Variants in NDNF observed in about 807,000 individuals in gnomAD.
NDNF encodes the protein neuron derived neurotrophic factor, also known as protein NDNF.
A neutral mutation model predicts 42.0 loss-of-function variants in NDNF; 16 were observed. That is an observed-to-expected ratio of 0.38 (90% CI 0.26 to 0.58). The LOEUF (loss-of-function observed/expected upper bound fraction) is 0.58. NDNF is among the 20% of genes least tolerant of loss of function. The probability of loss-of-function intolerance (pLI) is 0.67; values close to 1 mark genes in which losing one functional copy is unlikely to be tolerated. For missense variants in NDNF, 616 were observed against 666.2 expected (o/e 0.92, Z 0.83); for synonymous variants, 248 against 251.7 (o/e 0.99, Z 0.14).
At chr4:121,063,896 T>A (rs1474789828) in intron 1 of NDNF, among the ~76,000 whole-genome samples, 1 of 152,228 alleles carries the variant, frequency 6.6e-6, no homozygotes, top group Non-Finnish European at 1.5e-5. Context: ...TGTTTCTGTT[T>A]TACCTGAAAT....
At position 121,072,368 on chromosome 4, in the gene NDNF, C is replaced by A. The variant is rs560879497; in HGVS notation, c.-377G>T. The A allele has an allele frequency of 1.8e-4, 27 of 151,598 alleles. No individual in the cohort carries two copies. Among genetic ancestry groups the A allele is most frequent in the African/African-American group, 6.5e-4 (27 of 41,314 alleles). The allele number at this position is 151,598 out of a possible 1,614,324, so 9.4% of individuals were successfully genotyped here. ...GCTGGGCGGCGGGAGGATGCCGCAG[C>A]GACCCGCGGGGCTGGCGCGGGCTTC... On this transcript the variant is annotated 5_prime_UTR_variant, in exon 1 of 4. Transcript: ENST00000379692.
intron 1 of NDNF, among the ~76,000 whole-genome samples, chr4:121,062,688 G>A (rs1169518785): frequency 6.6e-6 from 1 of 152,014 alleles, no homozygotes; most frequent in Non-Finnish European, 1.5e-5. Flanking sequence ...AGTTAGGTGT[G>A]GTTTTTCTTC....
intron 1 of NDNF, among the ~76,000 whole-genome samples, chr4:121,052,733 A>G (rs1263812949): frequency 6.6e-6 from 1 of 152,226 alleles, no homozygotes; most frequent in Non-Finnish European, 1.5e-5. Context: ...GCGTGGATGT[A>G]CGGATTCCTT....
chr4:121,065,359 A>G (rs7697591), intron 1 of NDNF, among the ~76,000 whole-genome samples: 130,020 of 151,622 alleles, frequency 0.86, 55,917 homozygotes, highest in Non-Finnish European at 0.88. Context: ...CCCCCTTTTA[A>G]AGACCTCTGC....
chr4:121,054,680 T>A (rs1727254277), intron 1 of NDNF, among the ~76,000 whole-genome samples: 1 of 152,220 alleles, frequency 6.6e-6, no homozygotes, highest in Non-Finnish European at 1.5e-5. Context: ...GCACCAAGGT[T>A]GCACTAAGCT....
chr4:121,036,164 G>A lies in NDNF; in HGVS notation c.*100C>T, dbSNP rs185502117. 1.9e-4 allele frequency: 174 copies of A among 924,178 alleles called. No individual in the cohort carries two copies. In the African/African-American group the frequency reaches 2.6e-3, roughly 14 times the overall value. The allele number at this position is 924,178 out of a possible 1,614,324, so 57.2% of individuals were successfully genotyped here. A position where few individuals can be genotyped will look rare whatever the true frequency, so the allele number is the denominator to read the frequency against. ...TCCTTCCTTCCATAGTACAAGTACA[G>A]GTCACAACTTCTCTCAACTGTGGGA... On this transcript the variant is annotated 3_prime_UTR_variant, in exon 4 of 4. Transcript: ENST00000379692.
At chr4:121,067,196 T>A (rs1303131182) in intron 1 of NDNF, among the ~76,000 whole-genome samples, 2 of 152,176 alleles carry the variant, frequency 1.3e-5, no homozygotes, top group East Asian at 1.9e-4. Context: ...CCTAAAAAAG[T>A]TTTTCTTTTA....
intron 1 of NDNF, 81 bp from the exon 2 acceptor site, chr4:121,045,919 C>A: frequency 7.6e-7 from 1 of 1,313,750 alleles, no homozygotes; most frequent in African/African-American, 1.5e-5. Flanking sequence ...AGGGTTAACA[C>A]TATTTTAGCT....
At chr4:121,039,143 G>GTATATA (rs1386847891) in intron 3 of NDNF, among the ~76,000 whole-genome samples, 1 of 37,676 alleles carries the variant, frequency 2.7e-5, no homozygotes, top group African/African-American at 4.5e-5. Context: ...ATATATATAT[G>GTATATA]TGTATATATA....
At chr4:121,038,491 T>G (rs1726920261) in intron 3 of NDNF, among the ~76,000 whole-genome samples, 1 of 152,116 alleles carries the variant, frequency 6.6e-6, no homozygotes, top group Non-Finnish European at 1.5e-5. Flanking sequence ...CTAAACTAAT[T>G]TTTTCCATAT....
chr4:121,063,062 A>G (rs997311258), intron 1 of NDNF, among the ~76,000 whole-genome samples: 6 of 152,190 alleles, frequency 3.9e-5, no homozygotes, highest in Middle Eastern at 3.4e-3. Context: ...GCTGAAATGT[A>G]CAGTTTCATC....
chr4:121,055,242 A>G (rs1007312118), intron 1 of NDNF, among the ~76,000 whole-genome samples: 4 of 152,194 alleles, frequency 2.6e-5, no homozygotes, highest in African/African-American at 9.7e-5. Context: ...AAACAACTTC[A>G]TCTTTCTGAA....
chr4:121,055,885 C>T lies in NDNF; in HGVS notation c.-1-10047G>A, dbSNP rs1727286115. 2.6e-5 allele frequency among the ~76,000 whole-genome samples: 4 copies of T among 152,034 alleles called. No individual in the cohort carries two copies. In the South Asian group the frequency reaches 8.3e-4, roughly 32 times the overall value. On this transcript the variant is annotated intron_variant, in intron 1 of 3. Transcript: ENST00000379692. ...GTGAAGGGATGCATATTATTTGAGG[C>T]CAACCCATTTGTTGAAAGTACCCAG...
chr4:121,065,570 T>C (rs1727485726), intron 1 of NDNF, among the ~76,000 whole-genome samples: 1 of 151,728 alleles, frequency 6.6e-6, no homozygotes, highest in African/African-American at 2.4e-5. Context: ...CCTGGACAGC[T>C]TCTGATAGTG....
At chr4:121,059,679 G>A (rs1727369939) in intron 1 of NDNF, among the ~76,000 whole-genome samples, 1 of 152,190 alleles carries the variant, frequency 6.6e-6, no homozygotes, top group Admixed American at 6.5e-5. Flanking sequence ...GTAAATTTTG[G>A]TTTGGTTAGG....
intron 1 of NDNF, among the ~76,000 whole-genome samples, chr4:121,051,108 T>C (rs1048324368): frequency 2.0e-5 from 3 of 152,114 alleles, no homozygotes; most frequent in African/African-American, 4.8e-5. Context: ...GAGGAAACTT[T>C]TAAATATAAA....
intron 1 of NDNF, among the ~76,000 whole-genome samples, chr4:121,052,087 C>A (rs1727207145): frequency 6.6e-6 from 1 of 152,210 alleles, no homozygotes; most frequent in African/African-American, 2.4e-5. Flanking sequence ...ATGATCAAAA[C>A]AAATTCCTCC....
intron 2 of NDNF, among the ~76,000 whole-genome samples, chr4:121,042,993 T>C (rs576373883): frequency 6.6e-6 from 1 of 152,300 alleles, no homozygotes; most frequent in Non-Finnish European, 1.5e-5. Context: ...AAGTTAACAT[T>C]TTCATATGGA....
At position 121,036,850 on chromosome 4, in the gene NDNF, A is replaced by C. The variant is rs1424687228; in HGVS notation, c.1121T>G (p.Val374Gly). 1 of 1,614,122 alleles carries C rather than the reference A, an allele frequency of 6.2e-7. No homozygotes were observed. Among genetic ancestry groups the C allele is most frequent in the Non-Finnish European group, 8.5e-7 (1 of 1,180,020 alleles). The change falls in exon 4 of 4, where the codon GTC (valine) becomes GGC (glycine). Residue 374 changes from valine (V) to glycine (G), a missense_variant. Physicochemically the swap from Val to Gly is moderately radical, Grantham distance 109 (BLOSUM62 -3). Transcript: ENST00000379692. ...RFAPVSSHQK[V>G]TFFIHSCLDA... Reference sequence around the variant, plus strand: ...CAGACAAGAGTGAATAAAGAAGGTGACTTTTTGGTGAGAAGAGACTGGAGC... The same window carrying C: ...CAGACAAGAGTGAATAAAGAAGGTGCCTTTTTGGTGAGAAGAGACTGGAGC...
Sources: allele counts gnomAD v4.1 joint callset (sites outside exome capture counted in the v4.1 genomes callset), GRCh38; gene constraint gnomAD v4.1.1; transcripts MANE v1.5; gene names NCBI Gene and HGNC (gene_info 2026-07-23, HGNC 2026-07-21).